ZNF541: variants seen among roughly 807,000 people sequenced by gnomAD.
ZNF541 encodes zinc finger protein 541.
A neutral mutation model predicts 123.5 loss-of-function variants in ZNF541; 23 were observed. The observed-to-expected ratio is 0.19, with a 90% CI of 0.13 to 0.26. The LOEUF (loss-of-function observed/expected upper bound fraction) is 0.26. Among genes scored for constraint, ZNF541 ranks in the 10% least tolerant of loss-of-function variants. ZNF541 has a pLI of 1.00. For synonymous variants in ZNF541, 751 were observed against 754.5 expected, an observed-to-expected ratio of 1.00 and a Z score of 0.08; for missense variants, 1,612 against 1,789.9, an observed-to-expected ratio of 0.90 and a Z score of 1.79.
chr19:47,560,835 T>C (rs1971032994), intron 2 of ZNF541, among the ~76,000 whole-genome samples: 1 of 152,042 alleles, frequency 6.6e-6, no homozygotes, highest in African/African-American at 2.4e-5. Context: ...AATAGGTGAA[T>C]GGATCAACAA....
intron 8 of ZNF541, among the ~76,000 whole-genome samples, chr19:47,539,410 G>A (rs1463419583): frequency 3.3e-5 from 5 of 149,708 alleles, no homozygotes; most frequent in Admixed American, 1.3e-4. Flanking sequence ...AGTGATTCTC[G>A]GGCCTCAGCC....
intron 12 of ZNF541, 55 bp from the exon 13 acceptor site, chr19:47,529,707 A>G: frequency 1.4e-6 from 2 of 1,456,048 alleles, no homozygotes; most frequent in Non-Finnish European, 1.9e-6. Context: ...AGAGGACCAC[A>G]GGCATCCTCC....
At position 47,538,328 on chromosome 19, in the gene ZNF541, G is replaced by A; in HGVS notation, c.2908C>T (p.His970Tyr). 6.5e-7 allele frequency: 1 copy of A among 1,543,040 alleles called. No homozygotes were observed. Among genetic ancestry groups the A allele is most frequent in the Non-Finnish European group, 8.8e-7 (1 of 1,141,910 alleles). ...TAGEPGPAGC[H>Y]QSRLRSPMFL... ...ATGGGTGACCGCAGGCGGCTCTGGTGGCATCCTGCAGGGCCAGGCTCCCCA... is the reference window on the plus strand; with the variant it reads ...ATGGGTGACCGCAGGCGGCTCTGGTAGCATCCTGCAGGGCCAGGCTCCCCA... The change falls in exon 9 of 17, where the codon CAC (histidine) becomes TAC (tyrosine). Residue 970 changes from histidine (H) to tyrosine (Y), a missense_variant. His to Tyr is a moderately conservative substitution (Grantham distance 83, BLOSUM62 2). Transcript: ENST00000391901.
At chr19:47,531,189 C>T (rs1969549115) in intron 12 of ZNF541, among the ~76,000 whole-genome samples, 1 of 137,588 alleles carries the variant, frequency 7.3e-6, no homozygotes, top group Admixed American at 8.2e-5. Context: ...CCGCTCCTCA[C>T]AGTTAGACTT....
intron 14 of ZNF541, among the ~76,000 whole-genome samples, chr19:47,525,143 G>A (rs1285308796): frequency 2.0e-5 from 3 of 152,076 alleles, no homozygotes; most frequent in Non-Finnish European, 2.9e-5. Context: ...AAATTAGCCA[G>A]GTGTGGTTGT....
chr19:47,555,067 TAAA>T (rs1198309189), intron 3 of ZNF541, among the ~76,000 whole-genome samples: 1 of 124,686 alleles, frequency 8.0e-6, no homozygotes. Context: ...GTACTCTGCC[TAAA>T]AAAAAAAAAA....
intron 4 of ZNF541, among the ~76,000 whole-genome samples, chr19:47,547,487 C>T (rs1970404953): frequency 6.6e-6 from 1 of 152,134 alleles, no homozygotes; most frequent in Non-Finnish European, 1.5e-5. Context: ...TGGACTAAAT[C>T]ATAAAGTCTT....
intron 9 of ZNF541, among the ~76,000 whole-genome samples, chr19:47,537,062 C>T (rs1403514519): frequency 6.6e-6 from 1 of 152,122 alleles, no homozygotes; most frequent in Non-Finnish European, 1.5e-5. Context: ...TGAGTGGGTG[C>T]CCAGGCTGGG....
chr19:47,525,660 TC>T (rs1482805372), intron 14 of ZNF541, among the ~76,000 whole-genome samples: 6 of 152,192 alleles, frequency 3.9e-5, no homozygotes, highest in African/African-American at 1.4e-4. Flanking sequence ...ACGCCTGTAA[TC>T]CCAGCACTTT....
chr19:47,561,470 T>TA (rs1003801748), intron 2 of ZNF541, among the ~76,000 whole-genome samples: 1 of 152,016 alleles, frequency 6.6e-6, no homozygotes, highest in African/African-American at 2.4e-5. Context: ...TTAAAAAAAT[T>TA]AAAAAATCCA....
chr19:47,540,730 G>A (rs964254609), intron 6 of ZNF541, among the ~76,000 whole-genome samples, 163 bp downstream of exon 6: 2 of 152,074 alleles, frequency 1.3e-5, no homozygotes, highest in Non-Finnish European at 2.9e-5. Flanking sequence ...GTGAGCCACC[G>A]CGTCCAGCCT....
chr19:47,547,903 G>C (rs1186038045), intron 4 of ZNF541, among the ~76,000 whole-genome samples: 1 of 151,784 alleles, frequency 6.6e-6, no homozygotes, highest in African/African-American at 2.4e-5. Context: ...AGCCAGGCAT[G>C]ATAGTGCATG....
At chr19:47,531,822 A>C (rs990615277) in intron 11 of ZNF541, 77 bp from the exon 12 acceptor site, 1 of 1,315,124 alleles carries the variant, frequency 7.6e-7, no homozygotes, top group Non-Finnish European at 1.0e-6. Flanking sequence ...TTCCCGAAAG[A>C]CAGCAGAGAG....
Position 47,521,701 on chromosome 19 carries a change from G to A in ZNF541, c.3712-47C>T. 4 of 1,542,154 alleles carry A rather than the reference G, an allele frequency of 2.6e-6. No homozygotes were observed. The highest frequency in any genetic ancestry group is 1.4e-5 in the African/African-American group (1 of 72,976). Reference sequence around the variant, plus strand: ...CATAAGGGTGCTGACCTGTCCTGCTGTAAGAGAGACACAGAGCTGGGGGCA... The same window carrying A: ...CATAAGGGTGCTGACCTGTCCTGCTATAAGAGAGACACAGAGCTGGGGGCA... On this transcript the variant is annotated intron_variant, in intron 15 of 16. Coordinates refer to ENST00000391901, the MANE Select transcript of ZNF541 (RefSeq NM_001277075.3). The surrounding 1 kb of genome is among the most constrained non-coding windows in gnomAD (Gnocchi z 4.2).
At position 47,529,079 on chromosome 19, in the gene ZNF541, C is replaced by T. The variant is rs774651445; in HGVS notation, c.3482-41G>A. On this transcript the variant is annotated intron_variant, in intron 13 of 16. Coordinates refer to ENST00000391901, the MANE Select transcript of ZNF541 (RefSeq NM_001277075.3). Reference sequence around the variant, plus strand: ...GCCAACAGGGGGAAGGCCATTTGTCCTGGGACCACAGCCATGGCTGAAATG... The same window carrying T: ...GCCAACAGGGGGAAGGCCATTTGTCTTGGGACCACAGCCATGGCTGAAATG... 4.1e-6 allele frequency: 6 copies of T among 1,448,268 alleles called. No individual in the cohort carries two copies. In the South Asian group the frequency reaches 4.9e-5, roughly 12 times the overall value. The allele number at this position is 1,448,268 out of a possible 1,614,324, so 89.7% of individuals were successfully genotyped here. A position where few individuals can be genotyped will look rare whatever the true frequency, so the allele number is the denominator to read the frequency against.
At chr19:47,528,123 T>C (rs1599947734) in intron 14 of ZNF541, among the ~76,000 whole-genome samples, 1 of 138,104 alleles carries the variant, frequency 7.2e-6, no homozygotes, top group African/African-American at 2.6e-5. Context: ...GAGACTAGCC[T>C]GACCAACATG....
rs1359425961 is a variant in ZNF541 at position 47,532,261 on chromosome 19, A to G, written c.3168T>C (p.Asn1056=). The G allele has an allele frequency of 6.4e-7, 1 of 1,551,936 alleles. No individual in the cohort carries two copies. Among genetic ancestry groups the G allele is most frequent in the South Asian group, 1.2e-5 (1 of 84,042 alleles). ...DTKISIEPHI[N]IGSRFQAEIP... ...TCTCTGCCTGAAACCGGCTTCCTATATTGATATGTCTGAAATGAGGCCACA... is the reference window on the plus strand; with the variant it reads ...TCTCTGCCTGAAACCGGCTTCCTATGTTGATATGTCTGAAATGAGGCCACA... The change falls in exon 11 of 17, where the codon AAT becomes AAC. Residue 1056 remains asparagine, a synonymous_variant. Transcript: ENST00000391901.
chr19:47,525,136 T>A (rs1274921318), intron 14 of ZNF541, among the ~76,000 whole-genome samples: 2 of 151,574 alleles, frequency 1.3e-5, no homozygotes, highest in African/African-American at 4.9e-5. Context: ...AATACAAAAA[T>A]TAGCCAGGTG....
intron 9 of ZNF541, among the ~76,000 whole-genome samples, chr19:47,536,457 T>C (rs1969825152): frequency 6.6e-6 from 1 of 152,196 alleles, no homozygotes; most frequent in Non-Finnish European, 1.5e-5. Flanking sequence ...AGCCTGGTCT[T>C]GAACTCCTGA....
Sources: gnomAD v4.1 joint callset for allele counts (sites outside exome capture counted in the v4.1 genomes callset) on GRCh38, gnomAD v4.1.1 for gene constraint, Gnocchi (gnomAD v3.1) non-coding constraint, MANE v1.5 for transcripts, NCBI Gene and HGNC (gene_info 2026-07-23, HGNC 2026-07-21) for gene names.